The following CLHC1 variants were observed in gnomAD, a reference collection of about 807,000 sequenced individuals.
CLHC1 encodes clathrin heavy chain linker domain-containing protein 1.
In CLHC1, 72 loss-of-function variants were observed where a neutral mutation model predicts 69.5. The ratio of observed to expected loss-of-function variants is 1.04; its 90% CI spans 0.86 to 1.26. The LOEUF is 1.26. CLHC1 is among the 50% of genes most tolerant of loss of function. The pLI is 0.00. For synonymous variants in CLHC1, 223 were observed against 224.3 expected (o/e 0.99, Z 0.05); for missense variants, 790 against 679.3 (o/e 1.16, Z -1.81).
rs72918903 is a variant in CLHC1, at chr2:55,221,332, T to C, written c.177+903A>G. Among the ~76,000 whole-genome samples the C allele has an allele frequency of 8.2e-3, 1,248 of 152,314 alleles. 19 individuals carry two copies. The highest frequency in any genetic ancestry group is 0.028 in the African/African-American group (1,183 of 41,562). ...GATTGGTGGGCAAACTGCAATTGTTTAGAAGGATAATAGGTATTTCTAAAA... is the reference window on the plus strand; with the variant it reads ...GATTGGTGGGCAAACTGCAATTGTTCAGAAGGATAATAGGTATTTCTAAAA... On this transcript the variant is annotated intron_variant, in intron 3 of 12. Coordinates refer to ENST00000401408, the MANE Select transcript of CLHC1 (RefSeq NM_152385.4).
chr2:55,191,488 C>G (rs940240202), intron 9 of CLHC1, among the ~76,000 whole-genome samples: 1 of 152,140 alleles, frequency 6.6e-6, no homozygotes, highest in African/African-American at 2.4e-5. Flanking sequence ...CCCACCTCAG[C>G]CTCCCAAAGT....
chr2:55,215,084 T>A (rs937189733), intron 4 of CLHC1: 6 of 152,232 alleles, frequency 3.9e-5, no homozygotes, highest in Non-Finnish European at 7.3e-5. Flanking sequence ...TTACATTTGG[T>A]AAATGATAGA....
At chr2:55,229,050 C>G (rs1294837661) in intron 1 of CLHC1, among the ~76,000 whole-genome samples, 1 of 147,802 alleles carries the variant, frequency 6.8e-6, no homozygotes, top group Non-Finnish European at 1.5e-5. Context: ...ACTTAGGTGG[C>G]TGAGGTATGA....
intron 8 of CLHC1, among the ~76,000 whole-genome samples, chr2:55,208,043 A>G (rs1049689270): frequency 6.6e-6 from 1 of 152,178 alleles, no homozygotes; most frequent in Non-Finnish European, 1.5e-5. Flanking sequence ...CAGGGGATAG[A>G]AGTAATGAGA....
intron 9 of CLHC1, among the ~76,000 whole-genome samples, chr2:55,184,512 T>C (rs1487312651): frequency 6.6e-6 from 1 of 152,182 alleles, no homozygotes; most frequent in Non-Finnish European, 1.5e-5. Context: ...AACAAAGATA[T>C]TGTGCCTCCT....
chr2:55,178,388 G>A (rs1669606563), intron 11 of CLHC1, among the ~76,000 whole-genome samples: 1 of 152,148 alleles, frequency 6.6e-6, no homozygotes. Flanking sequence ...CCTATATTTG[G>A]CCACAAAAAG....
rs568125080 is a variant in CLHC1, at chr2:55,223,956, C to T, written c.-82-1463G>A. On this transcript the variant is annotated intron_variant, in intron 2 of 12. Coordinates refer to ENST00000401408, the MANE Select transcript of CLHC1 (RefSeq NM_152385.4). The stretch of plus-strand genomic sequence containing the variant: ...GACTACAGGCGCCCGCCACCACGCC[C>T]GGCTAATTTTTGTATTTTTAGTAGA... 332 of 152,716 alleles carry T rather than the reference C, an allele frequency of 2.2e-3. 1 individual carries two copies. Among genetic ancestry groups the T allele is most frequent in the South Asian group, 8.0e-3 (39 of 4,868 alleles). 9.5% of individuals were successfully genotyped at this position (152,716 alleles called of 1,614,324 possible). A position where few individuals can be genotyped will look rare whatever the true frequency, so the allele number is the denominator to read the frequency against.
At position 55,209,678 on chromosome 2, in the gene CLHC1, A is replaced by T. The variant is rs201579087; in HGVS notation, c.653T>A (p.Leu218Ter). 1 of 1,614,154 alleles carries T rather than the reference A, an allele frequency of 6.2e-7. No individual in the cohort carries two copies. Among genetic ancestry groups the T allele is most frequent in the East Asian group, 2.2e-5 (1 of 44,868 alleles). Reference sequence around the variant, plus strand: ...ATTTTCAGCTACATCTCGCCGTTTTAATAACACAATCATTTCTTCATCTAA... The same window carrying T: ...ATTTTCAGCTACATCTCGCCGTTTTTATAACACAATCATTTCTTCATCTAA... ...ADLDEEMIVL[L>*]KRRDVAENLN... Residue 218 changes from leucine (L) to a stop codon, truncating the protein, a stop_gained, in exon 6 of 13, where the codon TTA (leucine) becomes TAA (stop). Coordinates refer to ENST00000401408, the MANE Select transcript of CLHC1 (RefSeq NM_152385.4). LOFTEE classifies it high-confidence loss of function.
At chr2:55,205,063 G>C (rs939750941) in intron 9 of CLHC1, among the ~76,000 whole-genome samples, 1 of 152,046 alleles carries the variant, frequency 6.6e-6, no homozygotes, top group Non-Finnish European at 1.5e-5. Context: ...ATCACAATGA[G>C]ATACCATCTT....
chr2:55,175,599 A>T lies in CLHC1; in HGVS notation c.*191T>A. The T allele has an allele frequency of 1.9e-6, 1 of 528,110 alleles. No individual in the cohort carries two copies. The highest frequency in any genetic ancestry group is 3.3e-6 in the Non-Finnish European group (1 of 298,704). The allele number at this position is 528,110 out of a possible 1,614,324, so 32.7% of individuals were successfully genotyped here. A position where few individuals can be genotyped will look rare whatever the true frequency, so the allele number is the denominator to read the frequency against. ...AAGATTCAATATAAGAAATGACCAT[A>T]TGGGGAAAAGGAAGCAATAGTATAA... On this transcript the variant is annotated 3_prime_UTR_variant, in exon 13 of 13. Coordinates refer to ENST00000401408, the MANE Select transcript of CLHC1 (RefSeq NM_152385.4).
chr2:55,187,235 C>T (rs1024624755), intron 9 of CLHC1, among the ~76,000 whole-genome samples: 4 of 151,224 alleles, frequency 2.6e-5, no homozygotes, highest in East Asian at 3.9e-4. Context: ...GCCGGGATCG[C>T]GCCATTGCAC....
rs372959405 is a variant in CLHC1, at chr2:55,209,413, A to G, written c.805T>C (p.Tyr269His). 5 of 1,588,942 alleles carry G rather than the reference A, an allele frequency of 3.1e-6. No individual in the cohort carries two copies. Among genetic ancestry groups the G allele is most frequent in the Non-Finnish European group, 4.3e-6 (5 of 1,165,282 alleles). The change falls in exon 7 of 13, where the codon TAT (tyrosine) becomes CAT (histidine). Residue 269 changes from tyrosine to histidine, a missense_variant. Tyr to His is a moderately conservative substitution (Grantham distance 83, BLOSUM62 2). Transcript: ENST00000401408. Reference sequence around the variant, plus strand: ...AATATAGATAATCTACCTTGTAAATATTTGGTTTTCTGAATTTGCTCCACA... The same window carrying G: ...AATATAGATAATCTACCTTGTAAATGTTTGGTTTTCTGAATTTGCTCCACA... ...DFVEQIQKTKYLQGDQGIVEE... is the reference protein window; with the variant it reads ...DFVEQIQKTKHLQGDQGIVEE...
At chr2:55,185,513 A>G (rs1670338383) in intron 9 of CLHC1, among the ~76,000 whole-genome samples, 1 of 152,178 alleles carries the variant, frequency 6.6e-6, no homozygotes, top group South Asian at 2.1e-4. Flanking sequence ...AACTTTCTTC[A>G]TATCACTAGA....
At chr2:55,199,414 T>C (rs1671732790) in intron 9 of CLHC1, among the ~76,000 whole-genome samples, 1 of 151,884 alleles carries the variant, frequency 6.6e-6, no homozygotes, top group Non-Finnish European at 1.5e-5. Flanking sequence ...AATAGTAAGT[T>C]CACACAAAAA....
chr2:55,186,370 C>T (rs1214225959), intron 9 of CLHC1, among the ~76,000 whole-genome samples: 2 of 152,178 alleles, frequency 1.3e-5, no homozygotes, highest in Non-Finnish European at 1.5e-5. Flanking sequence ...AATCAAAGCA[C>T]ATCCATGAGC....
intron 9 of CLHC1, among the ~76,000 whole-genome samples, chr2:55,203,482 A>G (rs1185057721): frequency 6.6e-6 from 1 of 152,212 alleles, no homozygotes; most frequent in East Asian, 1.9e-4. Flanking sequence ...AATGGAACAG[A>G]ATAGAGAACC....
chr2:55,195,103 A>G (rs563709086), intron 9 of CLHC1, among the ~76,000 whole-genome samples: 2 of 152,254 alleles, frequency 1.3e-5, no homozygotes, highest in South Asian at 4.1e-4. Flanking sequence ...ATTATGCAAT[A>G]TAGTATTATT....
At chr2:55,211,798 T>C (rs1225949139) in intron 5 of CLHC1, among the ~76,000 whole-genome samples, 1 of 152,172 alleles carries the variant, frequency 6.6e-6, no homozygotes, top group African/African-American at 2.4e-5. Flanking sequence ...TAAAAACCTC[T>C]CCATATCCTA....
At chr2:55,206,209 T>C (rs1288733133) in intron 9 of CLHC1, 61 bp downstream of exon 9, 7 of 973,640 alleles carry the variant, frequency 7.2e-6, no homozygotes, top group Non-Finnish European at 1.1e-5. Context: ...CTTTTTCTAT[T>C]TTATGAGAGA....
Sources: allele counts gnomAD v4.1 joint callset (sites outside exome capture counted in the v4.1 genomes callset), GRCh38; gene constraint gnomAD v4.1.1; transcripts MANE v1.5; gene names NCBI Gene and HGNC (gene_info 2026-07-23, HGNC 2026-07-21).